Variants in RRBP1 observed in about 807,000 individuals in gnomAD.
The protein encoded by RRBP1 is ribosome-binding protein 1.
Under a neutral mutation model 165.2 loss-of-function variants are expected in RRBP1, and 94 were observed. The ratio of observed to expected loss-of-function variants is 0.57; its 90% CI spans 0.48 to 0.68. The LOEUF is 0.68. Ranked by LOEUF, RRBP1 falls within the 30% of genes least tolerant of loss-of-function variation. The probability of loss-of-function intolerance (pLI) is 0.00; values close to 1 mark genes in which losing one functional copy is unlikely to be tolerated. For missense variants in RRBP1, 1,676 were observed against 1,763.0 expected (o/e 0.95, Z 0.88); for synonymous variants, 680 against 714.5 (o/e 0.95, Z 0.77).
At chr20:17,630,990 A>C (rs911952382) in intron 8 of RRBP1, among the ~76,000 whole-genome samples, 20 of 152,352 alleles carry the variant, frequency 1.3e-4, no homozygotes, top group Admixed American at 3.9e-4. Context: ...GGAGCCAGTG[A>C]AGCCATCACC....
chr20:17,640,766 C>T (rs1032454404), intron 5 of RRBP1, among the ~76,000 whole-genome samples: 1 of 152,198 alleles, frequency 6.6e-6, no homozygotes, highest in African/African-American at 2.4e-5. Context: ...GTCTTCTGGT[C>T]CTGCCCATCC....
In RRBP1 at chr20:17,624,668, C is replaced by A; in HGVS notation, c.3055G>T (p.Asp1019Tyr). ...AVEQQKVKNN[D>Y]LREKNWKAME... ...GCCTTCCAGTTCTTCTCCCGGAGGTCCTGGAGGGGACACAGGTGAAAGGTC... is the reference window on the plus strand; with the variant it reads ...GCCTTCCAGTTCTTCTCCCGGAGGTACTGGAGGGGACACAGGTGAAAGGTC... The change falls in exon 13 of 25, where the codon GAC (aspartate) becomes TAC (tyrosine). Residue 1019 changes from aspartate (D) to tyrosine (Y), a missense_variant and splice_region_variant. This residue lies in a region of RRBP1 where 1,184 missense variants were observed against 1,167.1 expected (regional missense o/e 1.01). Transcript: ENST00000377813. The A allele has an allele frequency of 6.3e-7, 1 of 1,575,882 alleles. No individual in the cohort carries two copies. Among genetic ancestry groups the A allele is most frequent in the East Asian group, 2.3e-5 (1 of 43,618 alleles).
At chr20:17,621,333 G>T (rs2035908884) in intron 16 of RRBP1, 125 bp downstream of exon 16, 8 of 672,024 alleles carry the variant, frequency 1.2e-5, no homozygotes, top group South Asian at 1.0e-4. Context: ...GAAGAACGGG[G>T]CCCAGAGTCA....
At chr20:17,626,765 C>T (rs959161808) in intron 11 of RRBP1, among the ~76,000 whole-genome samples, 1 of 137,494 alleles carries the variant, frequency 7.3e-6, no homozygotes, top group Non-Finnish European at 1.6e-5. Context: ...AGGTGTTGGC[C>T]GGCCTTAGCA....
chr20:17,637,638 G>A (rs1568767208), intron 5 of RRBP1, among the ~76,000 whole-genome samples: 1 of 152,202 alleles, frequency 6.6e-6, no homozygotes. Flanking sequence ...ACTATAGGGA[G>A]GCCTGTCCCA....
chr20:17,670,209 G>A (rs2036949941), intron 2 of RRBP1, among the ~76,000 whole-genome samples: 2 of 152,148 alleles, frequency 1.3e-5, no homozygotes, highest in African/African-American at 4.8e-5. Flanking sequence ...TGTGGAAGGT[G>A]AATATAAACT....
rs1002044639 is a variant in RRBP1, at chr20:17,614,086, C to A, written c.*96G>T. The A allele has an allele frequency of 6.3e-6, 8 of 1,278,748 alleles. No individual in the cohort carries two copies. Among genetic ancestry groups the A allele is most frequent in the Non-Finnish European group, 8.0e-6 (7 of 879,402 alleles). 79.2% of individuals were successfully genotyped at this position (1,278,748 alleles called of 1,614,324 possible). ...CTCTCGGAGCTACCGGAAGTTGGGC[C>A]TGGATAACGCTGTGTAGGTTGGTTG... On this transcript the variant is annotated 3_prime_UTR_variant, in exon 25 of 25. Transcript: ENST00000377813.
rs888671155 is a variant in RRBP1, at chr20:17,614,103, G to A, written c.*79C>T. On this transcript the variant is annotated 3_prime_UTR_variant, in exon 25 of 25. Transcript: ENST00000377813. ...AGTTGGGCCTGGATAACGCTGTGTA[G>A]GTTGGTTGGTTTATTTGTAAGGAAT... The A allele has an allele frequency of 1.4e-6, 2 of 1,419,110 alleles. No individual in the cohort carries two copies. Among genetic ancestry groups the A allele is most frequent in the Middle Eastern group, 1.9e-4 (1 of 5,238 alleles). The allele number at this position is 1,419,110 out of a possible 1,614,324, so 87.9% of individuals were successfully genotyped here. A position where few individuals can be genotyped will look rare whatever the true frequency, so the allele number is the denominator to read the frequency against.
At chr20:17,644,166 T>C (rs932144425) in intron 3 of RRBP1, among the ~76,000 whole-genome samples, 2 of 152,226 alleles carry the variant, frequency 1.3e-5, no homozygotes, top group African/African-American at 4.8e-5. Flanking sequence ...TTTGGCACGA[T>C]ACCTTAATGA....
rs541562144 is a variant in RRBP1 at position 17,625,479 on chromosome 20, C to T, written c.3054+33G>A. The T allele has an allele frequency of 3.1e-6, 5 of 1,595,390 alleles. No homozygotes were observed. In the African/African-American group the frequency reaches 5.4e-5, roughly 17 times the overall value. On this transcript the variant is annotated intron_variant, in intron 12 of 24. Coordinates refer to ENST00000377813, the MANE Select transcript of RRBP1 (RefSeq NM_001365613.2). ...CCGGCCCCACCTGTGCTTCCCTGGC[C>T]CGTCCGTCCCCGCCTGTGCCTGCCG...
Position 17,660,009 on chromosome 20 carries a change from C to T in RRBP1, c.499G>A (p.Ala167Thr). The T allele has an allele frequency of 1.2e-6, 2 of 1,612,374 alleles. No individual in the cohort carries two copies. The highest frequency in any genetic ancestry group is 1.7e-6 in the Non-Finnish European group (2 of 1,179,228). The change falls in exon 3 of 25, where the codon GCT becomes ACT. Residue 167 changes from alanine to threonine, a missense_variant. This residue lies in a region of RRBP1 where 392 missense variants were observed against 382.5 expected (regional missense o/e 1.02). Coordinates refer to ENST00000377813, the MANE Select transcript of RRBP1 (RefSeq NM_001365613.2). ...TTGGGAGCAGTTTCCAAGATGGCAG[C>T]CTTCGAAGTGAGAACCTGGATGGAA... Reference protein sequence around the residue: ...VNSIQVLTSKAAILETAPKEV... With the variant: ...VNSIQVLTSKTAILETAPKEV...
intron 2 of RRBP1, among the ~76,000 whole-genome samples, chr20:17,662,325 C>G (rs1259911630): frequency 6.6e-6 from 1 of 152,036 alleles, no homozygotes; most frequent in Non-Finnish European, 1.5e-5. Flanking sequence ...ATTACTTTGA[C>G]CTTTCTAAGA....
chr20:17,617,586 C>T (rs1319452517), intron 20 of RRBP1, among the ~76,000 whole-genome samples: 1 of 152,218 alleles, frequency 6.6e-6, no homozygotes, highest in African/African-American at 2.4e-5. Flanking sequence ...CTCTGCACAT[C>T]CCCGGCCTGG....
In RRBP1 at chr20:17,627,697, G is replaced by T; in HGVS notation, c.2750-15C>A. The T allele has an allele frequency of 6.4e-7, 1 of 1,573,228 alleles. No individual in the cohort carries two copies. The highest frequency in any genetic ancestry group is 8.6e-7 in the Non-Finnish European group (1 of 1,158,074). On this transcript the variant is annotated splice_polypyrimidine_tract_variant and intron_variant, in intron 9 of 24. Transcript: ENST00000377813. ...GCTGTGCAGCTCTGGTGCAGAGGAA[G>T]GGAAACGAGAAGTTAAGAGACTGCA...
At position 17,651,300 on chromosome 20, in the gene RRBP1, T is replaced by C. The variant is rs867279888; in HGVS notation, c.1912+7296A>G. Among the ~76,000 whole-genome samples the C allele has an allele frequency of 3.3e-5, 5 of 152,346 alleles. No homozygotes were observed. In the South Asian group the frequency reaches 8.3e-4, roughly 25 times the overall value. ...AATCTTGTGGGCCTCTCATCGTAAA[T>C]TGTGAAACGTTTCTGGAAAGCAATG... is the stretch of plus-strand genomic sequence containing the variant. On this transcript the variant is annotated intron_variant, in intron 3 of 24. Transcript: ENST00000377813.
chr20:17,665,590 G>A (rs940424361), intron 2 of RRBP1, among the ~76,000 whole-genome samples: 4 of 152,002 alleles, frequency 2.6e-5, no homozygotes, highest in Non-Finnish European at 4.4e-5. Flanking sequence ...CCAGGCTGGG[G>A]TTTATTTATT....
At chr20:17,662,120 A>G (rs1258627661) in intron 2 of RRBP1, among the ~76,000 whole-genome samples, 1 of 152,046 alleles carries the variant, frequency 6.6e-6, no homozygotes, top group African/African-American at 2.4e-5. Context: ...AAACTTAGCC[A>G]GGCGTGGCGG....
At chr20:17,625,434 G>A in intron 12 of RRBP1, 78 bp downstream of exon 12, 2 of 1,253,686 alleles carry the variant, frequency 1.6e-6, no homozygotes, top group South Asian at 1.2e-5. Flanking sequence ...CAGGGCGGGT[G>A]CCACATAGCA....
At chr20:17,680,904 A>G (rs1471116380) in intron 1 of RRBP1, among the ~76,000 whole-genome samples, 4 of 152,058 alleles carry the variant, frequency 2.6e-5, no homozygotes, top group Non-Finnish European at 5.9e-5. Context: ...AGGAGCCCCG[A>G]TTTGCAGACC....
Sources: gnomAD v4.1 joint callset for allele counts (sites outside exome capture counted in the v4.1 genomes callset) on GRCh38, gnomAD v4.1.1 for gene constraint, gnomAD v4.1.1 regional missense constraint, MANE v1.5 for transcripts, NCBI Gene and HGNC (gene_info 2026-07-23, HGNC 2026-07-21) for gene names.